Variants in PKHD1 observed in about 807,000 individuals in gnomAD.
PKHD1 encodes PKHD1 ciliary IPT domain containing fibrocystin/polyductin.
PKHD1 carries 291 observed loss-of-function variants against 412.0 expected under a neutral mutation model. The ratio of observed to expected loss-of-function variants is 0.71; its 90% CI spans 0.64 to 0.78. The LOEUF is 0.78. Ranked by LOEUF, PKHD1 falls within the 30% of genes least tolerant of loss-of-function variation. The pLI, the probability that PKHD1 is intolerant of heterozygous loss-of-function variation, is 0.00. For synonymous variants in PKHD1, 1,777 were observed against 1,821.5 expected (o/e 0.98, Z 0.62); for missense variants, 4,825 against 4,950.7 (o/e 0.97, Z 0.76).
At chr6:51,932,273 C>A (rs766948348) in intron 37 of PKHD1, among the ~76,000 whole-genome samples, 3 of 152,178 alleles carry the variant, frequency 2.0e-5, no homozygotes, top group Non-Finnish European at 2.9e-5. Context: ...TTTATGAGTT[C>A]TTTCTTTGAT....
intron 37 of PKHD1, among the ~76,000 whole-genome samples, chr6:51,923,515 A>C (rs541769781): frequency 6.7e-6 from 1 of 150,056 alleles, no homozygotes; most frequent in African/African-American, 2.4e-5. Context: ...ATGTGAAAAA[A>C]AAGAAAAAAA....
rs189649867 is a variant in PKHD1 at position 51,810,344 on chromosome 6, C to T, written c.8303-18971G>A. On this transcript the variant is annotated intron_variant, in intron 52 of 66. Coordinates refer to ENST00000371117, the MANE Select transcript of PKHD1 (RefSeq NM_138694.4). Reference sequence around the variant, plus strand: ...ATCTATGCCACATTCAAGAGGAAGACAGCATATTTTCTACACCAAAAGAAA... The same window carrying T: ...ATCTATGCCACATTCAAGAGGAAGATAGCATATTTTCTACACCAAAAGAAA... Among the ~76,000 whole-genome samples the T allele has an allele frequency of 8.5e-5, 13 of 152,162 alleles. No individual in the cohort carries two copies. In the East Asian group the frequency reaches 1.5e-3, roughly 18 times the overall value.
At chr6:51,868,616 T>A (rs1775465517) in intron 47 of PKHD1, among the ~76,000 whole-genome samples, 1 of 151,320 alleles carries the variant, frequency 6.6e-6, no homozygotes, top group African/African-American at 2.4e-5. Context: ...GCAGAAAACA[T>A]TAATTTATTA....
intron 5 of PKHD1, 75 bp downstream of exon 5, chr6:52,079,825 T>A: frequency 1.2e-6 from 1 of 853,926 alleles, no homozygotes; most frequent in Non-Finnish European, 2.1e-6. Flanking sequence ...CTGGCTCATT[T>A]ACAATTTGCC....
chr6:51,925,789 C>A (rs1561897890), intron 37 of PKHD1, among the ~76,000 whole-genome samples: 1 of 151,210 alleles, frequency 6.6e-6, no homozygotes, highest in African/African-American at 2.4e-5. Flanking sequence ...CTTCTCTCTC[C>A]CTTCCTCTCT....
At chr6:51,890,566 T>A (rs1778950762) in intron 43 of PKHD1, among the ~76,000 whole-genome samples, 2 of 152,106 alleles carry the variant, frequency 1.3e-5, no homozygotes, top group East Asian at 3.9e-4. Context: ...AAAAGTGAAT[T>A]AATCCTTAAG....
In PKHD1 at chr6:51,855,943, C is replaced by T; in HGVS notation, c.7861G>A (p.Glu2621Lys). ...RGWMALLLDQ[E>K]TYSLQSENLW... Reference sequence around the variant, plus strand: ...TTCTCAGATTGCAATGAGTAGGTCTCTTGGTCCAAGAGCAGAGCCATCCAG... The same window carrying T: ...TTCTCAGATTGCAATGAGTAGGTCTTTTGGTCCAAGAGCAGAGCCATCCAG... Residue 2621 changes from glutamate to lysine, a missense_variant, in exon 49 of 67, where the codon GAG (glutamate) becomes AAG (lysine). Glu to Lys is a moderately conservative substitution (Grantham distance 56). Coordinates refer to ENST00000371117, the MANE Select transcript of PKHD1 (RefSeq NM_138694.4). 6.2e-7 allele frequency: 1 copy of T among 1,614,038 alleles called. No homozygotes were observed. Among genetic ancestry groups the T allele is most frequent in the Non-Finnish European group, 8.5e-7 (1 of 1,179,884 alleles).
At chr6:51,794,795 T>TG (rs1219716589) in intron 52 of PKHD1, among the ~76,000 whole-genome samples, 1 of 152,168 alleles carries the variant, frequency 6.6e-6, no homozygotes, top group African/African-American at 2.4e-5. Context: ...CCCCACTGCT[T>TG]GTTTTTTGAG....
intron 52 of PKHD1, among the ~76,000 whole-genome samples, chr6:51,826,342 T>C (rs1422897390): frequency 1.3e-5 from 2 of 152,120 alleles, no homozygotes; most frequent in Non-Finnish European, 2.9e-5. Flanking sequence ...TTCAAAGTAA[T>C]ATACAAAATG....
At chr6:51,825,215 G>A (rs187620764) in intron 52 of PKHD1, among the ~76,000 whole-genome samples, 157 of 152,286 alleles carry the variant, frequency 1.0e-3, no homozygotes, top group Middle Eastern at 6.8e-3. Context: ...AAAGACAGCT[G>A]CAAATTCTTA....
chr6:51,847,730 T>C (rs758793110), intron 50 of PKHD1, 45 bp downstream of exon 50: 3 of 1,346,696 alleles, frequency 2.2e-6, no homozygotes, highest in Non-Finnish European at 3.2e-6. Flanking sequence ...GATTGGTGAT[T>C]TCTGACTATG....
intron 18 of PKHD1, 27 bp downstream of exon 18, chr6:52,056,671 C>T (rs1195489679): frequency 2.0e-6 from 3 of 1,479,872 alleles, no homozygotes; most frequent in Admixed American, 3.3e-5. Context: ...ATGAAAAAGA[C>T]AATCAGAATG....
intron 35 of PKHD1, among the ~76,000 whole-genome samples, chr6:51,981,358 C>G (rs1316080946): frequency 8.9e-6 from 1 of 111,844 alleles, no homozygotes; most frequent in East Asian, 2.7e-4. Context: ...TCTCCCTCTC[C>G]CTCTCCCTCT....
chr6:51,660,414 T>C (rs992189820), intron 60 of PKHD1, among the ~76,000 whole-genome samples: 3 of 152,216 alleles, frequency 2.0e-5, no homozygotes, highest in South Asian at 2.1e-4. Context: ...GGATACAAAC[T>C]GGGTGTCACA....
chr6:51,996,593 C>A (rs527450319), intron 35 of PKHD1, among the ~76,000 whole-genome samples: 1 of 152,290 alleles, frequency 6.6e-6, no homozygotes, highest in African/African-American at 2.4e-5. Flanking sequence ...AGTCATTATG[C>A]TTTCTCATTT....
At chr6:51,836,940 C>A (rs539817772) in intron 50 of PKHD1, among the ~76,000 whole-genome samples, 1 of 152,288 alleles carries the variant, frequency 6.6e-6, no homozygotes, top group South Asian at 2.1e-4. Context: ...ACCCCCTATC[C>A]TCCTCCTATC....
Position 52,076,351 on chromosome 6 carries a change from C to T in PKHD1, c.391-18G>A. The T allele has an allele frequency of 5.6e-6, 9 of 1,593,388 alleles. No individual in the cohort carries two copies. The highest frequency in any genetic ancestry group is 7.8e-6 in the Non-Finnish European group (9 of 1,161,282). On this transcript the variant is annotated intron_variant, in intron 5 of 66. Transcript: ENST00000371117. ...TTGGAAAACTGTTTAGAAAATAGTA[C>T]CACAAGTGAGCATGTCATTAAAATA...
chr6:51,832,484 G>A (rs185044856), intron 51 of PKHD1, among the ~76,000 whole-genome samples: 1 of 152,004 alleles, frequency 6.6e-6, no homozygotes, highest in East Asian at 1.9e-4. Flanking sequence ...AGAGGCCAGA[G>A]TATGAAAGAT....
chr6:51,673,760 C>T (rs1273826404), intron 60 of PKHD1, among the ~76,000 whole-genome samples: 1 of 152,120 alleles, frequency 6.6e-6, no homozygotes, highest in African/African-American at 2.4e-5. Context: ...AGCATGGAAA[C>T]ATGAAAGACA....
Sources: gnomAD v4.1 joint callset for allele counts (sites outside exome capture counted in the v4.1 genomes callset) on GRCh38, gnomAD v4.1.1 for gene constraint, MANE v1.5 for transcripts, NCBI Gene and HGNC (gene_info 2026-07-23, HGNC 2026-07-21) for gene names.